TMEM220: variants seen among roughly 807,000 people sequenced by gnomAD.
TMEM220 encodes transmembrane protein 220.
In TMEM220, 21 loss-of-function variants were observed where a neutral mutation model predicts 21.7. That is an observed-to-expected ratio of 0.97 (90% confidence interval 0.69 to 1.39). The LOEUF (loss-of-function observed/expected upper bound fraction) is 1.39, where lower values mean the gene tolerates loss of function less well. Ranked by LOEUF, TMEM220 falls within the 40% of genes most tolerant of loss-of-function variation. The pLI is 0.00. For missense variants in TMEM220, 191 were observed against 201.9 expected (o/e 0.95, Z 0.33); for synonymous variants, 80 against 73.6 (o/e 1.09, Z -0.45).
At chr17:10,727,858 T>G (rs1039349799) in intron 2 of TMEM220, among the ~76,000 whole-genome samples, 1 of 152,152 alleles carries the variant, frequency 6.6e-6, no homozygotes, top group African/African-American at 2.4e-5. Flanking sequence ...TCAGATATTT[T>G]GGAAGATAAA....
At chr17:10,728,357 G>T (rs2075076003) in intron 2 of TMEM220, among the ~76,000 whole-genome samples, 1 of 135,850 alleles carries the variant, frequency 7.4e-6, no homozygotes, top group African/African-American at 2.9e-5. Context: ...CGCCCAGACT[G>T]GAGTGCAGTG....
chr17:10,725,071 C>A lies in TMEM220; in HGVS notation c.227G>T (p.Gly76Val), dbSNP rs1231377451. 1 of 1,613,994 alleles carries A rather than the reference C, an allele frequency of 6.2e-7. No individual in the cohort carries two copies. Among genetic ancestry groups the A allele is most frequent in the East Asian group, 2.2e-5 (1 of 44,900 alleles). Residue 76 changes from glycine (G) to valine (V), a missense_variant, in exon 4 of 6, where the codon GGC becomes GTC. By Grantham distance (109) the Gly-to-Val change is moderately radical. Coordinates refer to ENST00000341871, the MANE Select transcript of TMEM220 (RefSeq NM_001004313.3). ...HILFCTVWAV[G>V]LASYLLHRTQ... is the part of the protein sequence containing the mutation. The stretch of plus-strand genomic sequence containing the variant: ...ACGATGCAAGAGGTAGGACGCCAAG[C>A]CAACAGCCCACACCGTACAAAAGAG...
At chr17:10,728,700 G>A (rs2075082318) in intron 2 of TMEM220, among the ~76,000 whole-genome samples, 1 of 152,174 alleles carries the variant, frequency 6.6e-6, no homozygotes, top group African/African-American at 2.4e-5. Context: ...GGTTTGCATT[G>A]AGTGTCTGGC....
rs1164337585 is a variant in TMEM220, at chr17:10,723,309, A to G, written c.308T>C (p.Ile103Thr). ...GCACAGGATAATCCATGCTGTAATA[A>G]TCACCAGACCAGACAGCTCCCTATA... is the stretch of plus-strand genomic sequence containing the variant. ...EEGRELSGLV[I>T]ITAWIILCHS... The change falls in exon 5 of 6, where the codon ATT (isoleucine) becomes ACT (threonine). Residue 103 changes from isoleucine to threonine, a missense_variant. Transcript: ENST00000341871. 6 of 1,614,108 alleles carry G rather than the reference A, an allele frequency of 3.7e-6. No individual in the cohort carries two copies. Among genetic ancestry groups the G allele is most frequent in the Non-Finnish European group, 5.1e-6 (6 of 1,179,986 alleles).
chr17:10,722,405 A>T (rs2075003648), intron 5 of TMEM220, among the ~76,000 whole-genome samples: 1 of 152,174 alleles, frequency 6.6e-6, no homozygotes, highest in Non-Finnish European at 1.5e-5. Context: ...TTAAATCTAT[A>T]TCTTAACACA....
rs976649017 is a variant in TMEM220 at position 10,715,167 on chromosome 17, T to C, written c.*286A>G. The C allele has an allele frequency of 8.3e-6, 2 of 240,562 alleles. No individual in the cohort carries two copies. Among genetic ancestry groups the C allele is most frequent in the African/African-American group, 2.3e-5 (1 of 43,342 alleles). The allele number at this position is 240,562 out of a possible 1,614,324, so 14.9% of individuals were successfully genotyped here. A position where few individuals can be genotyped will look rare whatever the true frequency, so the allele number is the denominator to read the frequency against. On this transcript the variant is annotated 3_prime_UTR_variant, in exon 6 of 6. Coordinates refer to ENST00000341871, the MANE Select transcript of TMEM220 (RefSeq NM_001004313.3). ...GGTTTATATATTTGCCCAAATTACA[T>C]AGTTACAAAGTTAAGTTAGAACTCG...
At chr17:10,729,514 C>A (rs1567589670) in intron 1 of TMEM220, among the ~76,000 whole-genome samples, 2 of 152,236 alleles carry the variant, frequency 1.3e-5, no homozygotes, top group South Asian at 2.1e-4. Context: ...AGGGCCGCTT[C>A]TTCTGAGGTC....
chr17:10,720,855 A>G (rs1402519716), intron 5 of TMEM220, among the ~76,000 whole-genome samples: 20 of 152,174 alleles, frequency 1.3e-4, no homozygotes, highest in Admixed American at 1.3e-3. Context: ...TTGCATTTGT[A>G]TTGTAGAATA....
In TMEM220 at chr17:10,729,789, G is replaced by A. The variant is rs1368804740; in HGVS notation, c.63C>T (p.Ala21=). Residue 21 remains alanine, a synonymous_variant, in exon 1 of 6, where the codon GCC becomes GCT. Coordinates refer to ENST00000341871, the MANE Select transcript of TMEM220 (RefSeq NM_001004313.3). ...ACCGCGGCCGCCTGACCTGCACCAAGGCCGCCAGCGCGAAGAAGGCGGCCA... is the reference window on the plus strand; with the variant it reads ...ACCGCGGCCGCCTGACCTGCACCAAAGCCGCCAGCGCGAAGAAGGCGGCCA... ...GLMAAFFALA[A]LVQVNDPDAE... The A allele has an allele frequency of 1.4e-6, 2 of 1,413,572 alleles. No individual in the cohort carries two copies. The highest frequency in any genetic ancestry group is 2.9e-5 in the East Asian group (1 of 33,964). 87.6% of individuals were successfully genotyped at this position (1,413,572 alleles called of 1,614,324 possible). A position where few individuals can be genotyped will look rare whatever the true frequency, so the allele number is the denominator to read the frequency against.
chr17:10,717,825 T>C (rs1427083770), intron 5 of TMEM220, among the ~76,000 whole-genome samples: 1 of 152,152 alleles, frequency 6.6e-6, no homozygotes, highest in Non-Finnish European at 1.5e-5. Flanking sequence ...AACTCGATTT[T>C]TTTTTTTCTT....
intron 5 of TMEM220, among the ~76,000 whole-genome samples, chr17:10,718,709 A>G (rs147106410): frequency 6.6e-6 from 1 of 152,208 alleles, no homozygotes; most frequent in Non-Finnish European, 1.5e-5. Context: ...ATTTGAAAGT[A>G]TATTTCCTAA....
chr17:10,726,478 T>C (rs1284939803), intron 2 of TMEM220: 5 of 575,698 alleles, frequency 8.7e-6, no homozygotes, highest in African/African-American at 3.7e-5. Flanking sequence ...CCTCCTAGAC[T>C]ATAGGCTATT....
In TMEM220 at chr17:10,730,019, C is replaced by T. The variant is rs1340022104; in HGVS notation, c.-168G>A. ...CGTCGCTCCGCCCGGGGGCGGGGAG[C>T]GAAGGGCGTGGGTGTAGCCCCCACT... is the stretch of plus-strand genomic sequence containing the variant. On this transcript the variant is annotated 5_prime_UTR_variant, in exon 1 of 6. Transcript: ENST00000341871. 1.6e-6 allele frequency: 2 copies of T among 1,213,322 alleles called. No homozygotes were observed. Among genetic ancestry groups the T allele is most frequent in the Non-Finnish European group, 2.1e-6 (2 of 973,976 alleles). The allele number at this position is 1,213,322 out of a possible 1,614,324, so 75.2% of individuals were successfully genotyped here. A position where few individuals can be genotyped will look rare whatever the true frequency, so the allele number is the denominator to read the frequency against.
intron 1 of TMEM220, 30 bp downstream of exon 1, chr17:10,729,750 C>T (rs553932520): frequency 2.1e-4 from 278 of 1,332,994 alleles, no homozygotes; most frequent in Admixed American, 3.1e-4. Flanking sequence ...GGGAGCCGGG[C>T]GGGTCCCCCT....
chr17:10,721,445 C>T (rs1199246397), intron 5 of TMEM220, among the ~76,000 whole-genome samples: 1 of 151,768 alleles, frequency 6.6e-6, no homozygotes, highest in Non-Finnish European at 1.5e-5. Flanking sequence ...CCCGTCTCTA[C>T]TAAAAACACA....
At position 10,730,014 on chromosome 17, in the gene TMEM220, G is replaced by C; in HGVS notation, c.-163C>G. On this transcript the variant is annotated 5_prime_UTR_variant, in exon 1 of 6. Coordinates refer to ENST00000341871, the MANE Select transcript of TMEM220 (RefSeq NM_001004313.3). ...GTGGCCGTCGCTCCGCCCGGGGGCG[G>C]GGAGCGAAGGGCGTGGGTGTAGCCC... 2 of 1,217,962 alleles carry C rather than the reference G, an allele frequency of 1.6e-6. No homozygotes were observed. Among genetic ancestry groups the C allele is most frequent in the East Asian group, 6.4e-5 (2 of 31,266 alleles). The allele number at this position is 1,217,962 out of a possible 1,614,324, so 75.4% of individuals were successfully genotyped here.
chr17:10,716,453 C>T, intron 5 of TMEM220: 1 of 676,388 alleles, frequency 1.5e-6, no homozygotes, highest in Non-Finnish European at 2.7e-6. Flanking sequence ...ACTCCAGAAA[C>T]TCGTGGCTGA....
At chr17:10,724,503 C>A (rs752854335) in intron 4 of TMEM220, 1 of 153,806 alleles carries the variant, frequency 6.5e-6, no homozygotes, top group East Asian at 1.9e-4. Flanking sequence ...TAGCTTGAAC[C>A]TGGGAGACGG....
In TMEM220 at chr17:10,729,941, G is replaced by A. The variant is rs2075108600; in HGVS notation, c.-90C>T. The A allele has an allele frequency of 8.1e-7, 1 of 1,234,848 alleles. No individual in the cohort carries two copies. The highest frequency in any genetic ancestry group is 1.0e-6 in the Non-Finnish European group (1 of 988,304). The allele number at this position is 1,234,848 out of a possible 1,614,324, so 76.5% of individuals were successfully genotyped here. A position where few individuals can be genotyped will look rare whatever the true frequency, so the allele number is the denominator to read the frequency against. On this transcript the variant is annotated 5_prime_UTR_variant, in exon 1 of 6. Transcript: ENST00000341871. ...TACGGTCCGCCTTCCTCCTTGCGCG[G>A]AGGGACCGAGACCCCCGCCTCGGTT...
Sources: gnomAD v4.1 joint callset for allele counts (sites outside exome capture counted in the v4.1 genomes callset) on GRCh38, gnomAD v4.1.1 for gene constraint, MANE v1.5 for transcripts, NCBI Gene and HGNC (gene_info 2026-07-23, HGNC 2026-07-21) for gene names.